Variants in HOOK3 observed in about 807,000 individuals in gnomAD.
HOOK3 encodes the protein protein Hook homolog 3.
Under a neutral mutation model 116.3 loss-of-function variants are expected in HOOK3, and 24 were observed. The ratio of observed to expected loss-of-function variants is 0.21; its 90% CI spans 0.15 to 0.29. The LOEUF (loss-of-function observed/expected upper bound fraction) is 0.29. Ranked by LOEUF, HOOK3 falls within the 10% of genes least tolerant of loss-of-function variation. HOOK3 has a pLI of 1.00. For synonymous variants in HOOK3, 275 were observed against 283.0 expected, an observed-to-expected ratio of 0.97 and a Z score of 0.28; for missense variants, 632 against 830.2, an observed-to-expected ratio of 0.76 and a Z score of 2.93.
At chr8:42,936,378 T>C (rs1291031099) in intron 4 of HOOK3, among the ~76,000 whole-genome samples, 1 of 152,208 alleles carries the variant, frequency 6.6e-6, no homozygotes, top group Non-Finnish European at 1.5e-5. Context: ...GAATATCCTT[T>C]ATTTCTTTTT....
At chr8:42,961,617 TAAGTC>T (rs1466633103) in intron 8 of HOOK3, among the ~76,000 whole-genome samples, 3 of 152,186 alleles carry the variant, frequency 2.0e-5, no homozygotes, top group South Asian at 2.1e-4. Flanking sequence ...CTAAGGTTGA[TAAGTC>T]AAGAAATAAT....
At chr8:42,963,390 A>G (rs1039170046) in intron 8 of HOOK3, among the ~76,000 whole-genome samples, 25 of 152,176 alleles carry the variant, frequency 1.6e-4, no homozygotes, top group Admixed American at 1.2e-3. Flanking sequence ...TGGATTTGGG[A>G]TGCAAATCAT....
Position 43,030,363 on chromosome 8 carries a change from A to G in HOOK3, c.*11865A>G, listed in dbSNP as rs1810008606. ...TTTACGACTGCCAACTTGTTACGGT[A>G]TTAATTATATGTATGTGTTTATATG... On this transcript the variant is annotated 3_prime_UTR_variant, in exon 22 of 22. Transcript: ENST00000307602. The G allele has an allele frequency of 5.5e-6, 1 of 181,314 alleles. No homozygotes were observed. The highest frequency in any genetic ancestry group is 1.2e-5 in the Non-Finnish European group (1 of 84,902). 11.2% of individuals were successfully genotyped at this position (181,314 alleles called of 1,614,324 possible). A position where few individuals can be genotyped will look rare whatever the true frequency, so the allele number is the denominator to read the frequency against.
At chr8:42,964,236 T>C in intron 8 of HOOK3, 75 bp from the exon 9 acceptor site, 1 of 1,412,150 alleles carries the variant, frequency 7.1e-7, no homozygotes, top group Non-Finnish European at 9.9e-7. Flanking sequence ...TAATTTGTAA[T>C]GGTAATTCAC....
In HOOK3 at chr8:42,967,210, G is replaced by T. The variant is rs185547430; in HGVS notation, c.920+597G>T. 3.3e-3 allele frequency among the ~76,000 whole-genome samples: 509 copies of T among 151,992 alleles called. 2 individuals carry two copies. The highest frequency in any genetic ancestry group is 0.011 in the African/African-American group (466 of 41,450). ...CTTCCCAATGGCCCGCCCTCCCCTT[G>T]CTCATTGTCTCACTCATAGCCATTC... On this transcript the variant is annotated intron_variant, in intron 10 of 21. Transcript: ENST00000307602.
intron 17 of HOOK3, among the ~76,000 whole-genome samples, chr8:43,006,183 G>C (rs1371315317): frequency 1.3e-5 from 2 of 149,160 alleles, no homozygotes; most frequent in African/African-American, 2.5e-5. Context: ...ACCACGCCCA[G>C]CTAATTTTTT....
At chr8:43,015,270 C>T (rs1453335985) in intron 21 of HOOK3, among the ~76,000 whole-genome samples, 1 of 152,142 alleles carries the variant, frequency 6.6e-6, no homozygotes, top group African/African-American at 2.4e-5. Context: ...CACCTGTAAT[C>T]CCAGCACTTT....
intron 14 of HOOK3, among the ~76,000 whole-genome samples, chr8:42,986,174 A>G (rs1809046261): frequency 6.6e-6 from 1 of 152,246 alleles, no homozygotes; most frequent in Non-Finnish European, 1.5e-5. Context: ...AGTGCAGTCC[A>G]GTAACCTGAT....
intron 4 of HOOK3, among the ~76,000 whole-genome samples, chr8:42,940,050 G>T (rs558362292): frequency 6.6e-6 from 1 of 152,036 alleles, no homozygotes; most frequent in Admixed American, 6.6e-5. Flanking sequence ...GGGCGGCCAG[G>T]CAGAGACGCT....
chr8:43,022,504 G>A lies in HOOK3; in HGVS notation c.*4006G>A. The A allele has an allele frequency of 5.2e-6, 1 of 193,026 alleles. No homozygotes were observed. The highest frequency in any genetic ancestry group is 8.2e-5 in the East Asian group (1 of 12,178). 12.0% of individuals were successfully genotyped at this position (193,026 alleles called of 1,614,324 possible). On this transcript the variant is annotated 3_prime_UTR_variant, in exon 22 of 22. Transcript: ENST00000307602. ...TCATTTTCTGTTTTCCTTCTAACCA[G>A]GGTGAGAAAATACAAAGTAAAGAAC... is the stretch of plus-strand genomic sequence containing the variant.
intron 4 of HOOK3, among the ~76,000 whole-genome samples, chr8:42,942,897 C>T (rs952001629): frequency 3.3e-5 from 5 of 152,084 alleles, no homozygotes; most frequent in South Asian, 4.2e-4. Flanking sequence ...ATTTTGCTGC[C>T]GGTGTTTTGG....
chr8:42,940,526 AGGG>A (rs1283119795), intron 4 of HOOK3, among the ~76,000 whole-genome samples: 1 of 150,680 alleles, frequency 6.6e-6, no homozygotes, highest in Non-Finnish European at 1.5e-5. Flanking sequence ...GGACAGGGAG[AGGG>A]AGAGGGAGAG....
intron 6 of HOOK3, among the ~76,000 whole-genome samples, chr8:42,952,631 G>C (rs940014163): frequency 3.3e-5 from 5 of 152,182 alleles, no homozygotes; most frequent in Non-Finnish European, 7.4e-5. Context: ...AACTATCTAA[G>C]GGCCCACTGT....
intron 15 of HOOK3, among the ~76,000 whole-genome samples, chr8:42,991,118 C>CT (rs1251468975): frequency 6.6e-6 from 1 of 152,150 alleles, no homozygotes; most frequent in Non-Finnish European, 1.5e-5. Context: ...AGATTTATCT[C>CT]TGACTTCTCT....
intron 1 of HOOK3, among the ~76,000 whole-genome samples, chr8:42,897,938 G>C (rs1365208304): frequency 1.3e-5 from 2 of 152,196 alleles, no homozygotes; most frequent in Non-Finnish European, 2.9e-5. Context: ...CCGGGGAGGG[G>C]GAGGGATGCG....
In HOOK3 at chr8:43,019,066, G is replaced by A. The variant is rs1277040788; in HGVS notation, c.*568G>A. ...AATCACATCTTCCCTAAGGCACCTGGAAGAATTATTTGAGGAAAAAATGAG... is the reference window on the plus strand; with the variant it reads ...AATCACATCTTCCCTAAGGCACCTGAAAGAATTATTTGAGGAAAAAATGAG... On this transcript the variant is annotated 3_prime_UTR_variant, in exon 22 of 22. Coordinates refer to ENST00000307602, the MANE Select transcript of HOOK3 (RefSeq NM_032410.4). 1 of 207,546 alleles carries A rather than the reference G, an allele frequency of 4.8e-6. No homozygotes were observed. The highest frequency in any genetic ancestry group is 9.8e-6 in the Non-Finnish European group (1 of 101,638). 12.9% of individuals were successfully genotyped at this position (207,546 alleles called of 1,614,324 possible). A position where few individuals can be genotyped will look rare whatever the true frequency, so the allele number is the denominator to read the frequency against.
At chr8:42,963,406 C>A (rs997559761) in intron 8 of HOOK3, among the ~76,000 whole-genome samples, 1 of 152,126 alleles carries the variant, frequency 6.6e-6, no homozygotes, top group African/African-American at 2.4e-5. Flanking sequence ...ATCATTTATC[C>A]ATTTGCTTGT....
At position 42,990,325 on chromosome 8, in the gene HOOK3, C is replaced by CTTTTTTTT. The variant is rs59033055; in HGVS notation, c.1532+3560_1532+3567dup. Among the ~76,000 whole-genome samples, 47 of 37,902 alleles carry CTTTTTTTT rather than the reference C, an allele frequency of 1.2e-3. 12 individuals carry two copies. Among genetic ancestry groups the CTTTTTTTT allele is most frequent in the East Asian group, 3.3e-3 (4 of 1,204 alleles). The allele number at this position is 37,902 out of a possible 152,430, so 24.9% of individuals were successfully genotyped here. On this transcript the variant is annotated intron_variant, in intron 15 of 21. Coordinates refer to ENST00000307602, the MANE Select transcript of HOOK3 (RefSeq NM_032410.4). ...TTGAGAAATAAATATCTGTTTAGAT[C>CTTTTTTTT]TTTTTTTTTTTTTTTTTTTTTTTTT...
intron 16 of HOOK3, among the ~76,000 whole-genome samples, chr8:42,999,974 ATC>A (rs1347097563): frequency 6.6e-6 from 1 of 151,990 alleles, no homozygotes; most frequent in African/African-American, 2.4e-5. Flanking sequence ...GTGAAACCCC[ATC>A]TCTACTAAAA....
Sources: allele counts gnomAD v4.1 joint callset (sites outside exome capture counted in the v4.1 genomes callset), GRCh38; gene constraint gnomAD v4.1.1; transcripts MANE v1.5; gene names NCBI Gene and HGNC (gene_info 2026-07-23, HGNC 2026-07-21).